CLEC2A: variants seen among roughly 807,000 people sequenced by gnomAD.
CLEC2A encodes the protein C-type lectin domain family 2 member A.
In CLEC2A, 19 loss-of-function variants were observed where a neutral mutation model predicts 18.6. The ratio of observed to expected loss-of-function variants is 1.02; its 90% CI spans 0.71 to 1.50. The LOEUF (loss-of-function observed/expected upper bound fraction) is 1.50. CLEC2A is among the 40% of genes most tolerant of loss of function. CLEC2A has a pLI of 0.00. For missense variants in CLEC2A, 190 were observed against 207.9 expected, an observed-to-expected ratio of 0.91 and a Z score of 0.53; for synonymous variants, 74 against 64.0, an observed-to-expected ratio of 1.16 and a Z score of -0.75.
At chr12:9,909,953 C>G (rs1194728734), downstream of CLEC2A, among the ~76,000 whole-genome samples, 4 of 152,034 alleles carry the variant, frequency 2.6e-5, no homozygotes, top group African/African-American at 9.7e-5. Flanking sequence ...GACCTTTTCT[C>G]TTTCAGAGCA....
chr12:9,889,638 G>GTA, the CLEC2A span, among the ~76,000 whole-genome samples: 19 of 144,064 alleles, frequency 1.3e-4, no homozygotes, highest in African/African-American at 2.5e-4. Context: ...CTCTATATGT[G>GTA]TATATATATG....
chr12:9,912,151 T>A (rs1445188720), downstream of CLEC2A, among the ~76,000 whole-genome samples: 1 of 152,150 alleles, frequency 6.6e-6, no homozygotes, highest in African/African-American at 2.4e-5. Context: ...CAGTTTAAAA[T>A]GCCTGGGGAA....
At chr12:9,926,393 T>G in intron 1 of CLEC2A, 50 bp from the exon 2 acceptor site, 1 of 1,106,462 alleles carries the variant, frequency 9.0e-7, no homozygotes, top group Admixed American at 2.0e-5. Context: ...AAACACTGAC[T>G]CGATATTATT....
chr12:9,909,121 ATC>A (rs1862945342), downstream of CLEC2A, among the ~76,000 whole-genome samples: 1 of 152,180 alleles, frequency 6.6e-6, no homozygotes, highest in Admixed American at 6.5e-5. Context: ...GATCTTATAA[ATC>A]TAGGCCTGCT....
At chr12:9,927,230 G>A (rs1167621988) in intron 1 of CLEC2A, among the ~76,000 whole-genome samples, 2 of 152,172 alleles carry the variant, frequency 1.3e-5, no homozygotes, top group Non-Finnish European at 2.9e-5. Flanking sequence ...TGGATAGCAT[G>A]TTATCGTACT....
At chr12:9,892,678 A>G in the CLEC2A span, among the ~76,000 whole-genome samples, 2 of 135,326 alleles carry the variant, frequency 1.5e-5, no homozygotes, top group Non-Finnish European at 3.1e-5. Flanking sequence ...TCCACCTCCC[A>G]GGTTCAAGCG....
At chr12:9,878,361 T>C in the CLEC2A span, among the ~76,000 whole-genome samples, 3 of 152,154 alleles carry the variant, frequency 2.0e-5, no homozygotes, top group South Asian at 2.1e-4. Flanking sequence ...TTGTTTTATA[T>C]GGGCCAAGGG....
chr12:9,911,233 A>C (rs1392825660), downstream of CLEC2A, among the ~76,000 whole-genome samples: 9 of 152,160 alleles, frequency 5.9e-5, no homozygotes, highest in Non-Finnish European at 1.3e-4. Flanking sequence ...AACTTTTTCC[A>C]AATAAGGAAA....
chr12:9,924,702 C>T (rs1390682928), intron 2 of CLEC2A, among the ~76,000 whole-genome samples: 1 of 152,108 alleles, frequency 6.6e-6, no homozygotes, highest in Non-Finnish European at 1.5e-5. Flanking sequence ...CAAAAGGTCA[C>T]ATATGCCGTT....
At chr12:9,903,219 C>T (rs11053505) in intron 4 of CLEC2A, among the ~76,000 whole-genome samples, 17,509 of 151,622 alleles carry the variant, frequency 0.12, 1,557 homozygotes, top group East Asian at 0.34. Context: ...ATTTTTCTAA[C>T]ATAATTTGGC....
intron 1 of CLEC2A, 145 bp from the exon 2 acceptor site, chr12:9,926,488 C>T (rs1300854527): frequency 1.6e-6 from 1 of 614,592 alleles, no homozygotes; most frequent in Non-Finnish European, 2.9e-6. Context: ...GATAGCAAAC[C>T]ATCAAAAAGT....
chr12:9,926,433 AT>A, intron 1 of CLEC2A, 90 bp from the exon 2 acceptor site: 1 of 797,430 alleles, frequency 1.3e-6, no homozygotes, highest in Non-Finnish European at 2.1e-6. Flanking sequence ...ATAATTGTTA[AT>A]CAGGAAACCC....
chr12:9,894,400 C>T (rs796579278), downstream of CLEC2A, among the ~76,000 whole-genome samples: 8 of 152,128 alleles, frequency 5.3e-5, 1 homozygote, highest in African/African-American at 7.2e-5. Flanking sequence ...CCATGCTGGT[C>T]TCCAACTCCT....
intron 4 of CLEC2A, among the ~76,000 whole-genome samples, chr12:9,899,832 C>T (rs561007573): frequency 6.6e-6 from 1 of 152,340 alleles, no homozygotes; most frequent in Non-Finnish European, 1.5e-5. Context: ...CCACACTCAC[C>T]TGCATTCTGC....
the CLEC2A span, chr12:9,893,269 A>G: frequency 8.9e-7 from 1 of 1,129,650 alleles, no homozygotes; most frequent in Admixed American, 2.5e-5. Context: ...TTGCTTCTGA[A>G]CATGTGTTAG....
In CLEC2A at chr12:9,916,717, G is replaced by A. The variant is rs2137037636; in HGVS notation, c.393C>T (p.Gly131=). The change falls in exon 4 of 5, where the codon GGC becomes GGT. Residue 131 remains glycine, a synonymous_variant. Coordinates refer to ENST00000455827, the MANE Select transcript of CLEC2A (RefSeq NM_001130711.2). ...KQGDSWKWTN[G]TTFNGWFEII... ...AAACTCACCAACCATTGAATGTGGT[G>A]CCATTTGTCCATTTCCAAGAATCTC... 1 of 1,546,736 alleles carries A rather than the reference G, an allele frequency of 6.5e-7. No individual in the cohort carries two copies. The highest frequency in any genetic ancestry group is 2.4e-5 in the East Asian group (1 of 40,876).
chr12:9,893,287 G>A, the CLEC2A span: 1 of 938,918 alleles, frequency 1.1e-6, no homozygotes, highest in South Asian at 1.9e-5. Flanking sequence ...TAGCCACAAT[G>A]TAGTCACTAT....
At chr12:9,893,241 T>G in the CLEC2A span, 1 of 1,394,812 alleles carries the variant, frequency 7.2e-7, no homozygotes, top group Non-Finnish European at 9.6e-7. Flanking sequence ...CCTAAGAAGC[T>G]TGGGAGGTTT....
At chr12:9,914,695 C>T (rs567549159) in intron 4 of CLEC2A, among the ~76,000 whole-genome samples, 58 of 152,256 alleles carry the variant, frequency 3.8e-4, no homozygotes, top group African/African-American at 1.3e-3. Context: ...CTTCCTTACA[C>T]CTTATACAAA....
Sources: allele counts gnomAD v4.1 joint callset (sites outside exome capture counted in the v4.1 genomes callset), GRCh38; gene constraint gnomAD v4.1.1; transcripts MANE v1.5; gene names NCBI Gene and HGNC (gene_info 2026-07-23, HGNC 2026-07-21).